The following ACADS variants were observed in gnomAD, a reference collection of about 807,000 sequenced individuals.
The protein encoded by ACADS is short-chain specific acyl-CoA dehydrogenase, mitochondrial.
In ACADS, 28 loss-of-function variants were observed where a neutral mutation model predicts 46.8. The observed-to-expected ratio is 0.60, with a 90% confidence interval of 0.44 to 0.82. The LOEUF (loss-of-function observed/expected upper bound fraction) is 0.82. ACADS is among the 40% of genes least tolerant of loss of function. ACADS has a pLI of 0.00. For missense variants in ACADS, 528 were observed against 578.0 expected (o/e 0.91, Z 0.89); for synonymous variants, 236 against 237.7 (o/e 0.99, Z 0.07).
At chr12:120,726,959 G>A (rs1883102647) in intron 1 of ACADS, 67 bp from the exon 2 acceptor site, 2 of 1,581,764 alleles carry the variant, frequency 1.3e-6, no homozygotes, top group Admixed American at 1.7e-5. Flanking sequence ...TGGTGAGTTA[G>A]TGGGTCACTA....
rs1883158147 is a variant in ACADS, at chr12:120,728,574, G to A, written c.210+1385G>A. Among the ~76,000 whole-genome samples the A allele has an allele frequency of 6.6e-6, 1 of 151,084 alleles. No individual in the cohort carries two copies. The stretch of plus-strand genomic sequence containing the variant: ...GGTTGGAGTGCAGTGGCGCGATCTC[G>A]GCTCACTGCAACCTCCGCCTTCTGA... On this transcript the variant is annotated intron_variant, in intron 2 of 9. Coordinates refer to ENST00000242592, the MANE Select transcript of ACADS (RefSeq NM_000017.4). This position sits in a 1 kb window ranked among gnomAD's most constrained non-coding sequence, Gnocchi z 4.0.
Position 120,725,857 on chromosome 12 carries a change from C to G in ACADS, c.-29C>G. On this transcript the variant is annotated 5_prime_UTR_variant, in exon 1 of 10. Transcript: ENST00000242592. Reference sequence around the variant, plus strand: ...GAACAGCGCGCTCGCAGCGGGAGGTCGCGAAGCCTGGGACTGTGTCTGTCG... The same window carrying G: ...GAACAGCGCGCTCGCAGCGGGAGGTGGCGAAGCCTGGGACTGTGTCTGTCG... 2 of 1,535,728 alleles carry G rather than the reference C, an allele frequency of 1.3e-6. No individual in the cohort carries two copies. The highest frequency in any genetic ancestry group is 2.5e-5 in the East Asian group (1 of 40,408).
intron 2 of ACADS, among the ~76,000 whole-genome samples, chr12:120,730,144 G>A (rs1220404026): frequency 2.6e-5 from 4 of 152,016 alleles, no homozygotes; most frequent in African/African-American, 4.8e-5. Flanking sequence ...CACCACACCC[G>A]GCTAATTTTT....
chr12:120,726,943 C>T, intron 1 of ACADS, 83 bp from the exon 2 acceptor site: 1 of 1,534,812 alleles, frequency 6.5e-7, no homozygotes, highest in Admixed American at 1.7e-5. Context: ...AGGGCAAAAT[C>T]CTCCCTGGTG....
Position 120,737,830 on chromosome 12 carries a change from T to A in ACADS, c.473-7T>A, listed in dbSNP as rs754901042. 1 of 1,613,820 alleles carries A rather than the reference T, an allele frequency of 6.2e-7. No homozygotes were observed. Reference sequence around the variant, plus strand: ...GCGTGCGCTGAGCCCTGGGTCTGTGTGGGCAGGGAACGGCAGTGATGCAGG... The same window carrying A: ...GCGTGCGCTGAGCCCTGGGTCTGTGAGGGCAGGGAACGGCAGTGATGCAGG... On this transcript the variant is annotated splice_region_variant and splice_polypyrimidine_tract_variant and intron_variant, in intron 4 of 9. Transcript: ENST00000242592.
chr12:120,730,128 G>A (rs911170134), intron 2 of ACADS, among the ~76,000 whole-genome samples: 3 of 152,076 alleles, frequency 2.0e-5, no homozygotes, highest in African/African-American at 7.2e-5. Context: ...AACTACAGGT[G>A]CGCACCACCA....
chr12:120,738,774 T>G, intron 7 of ACADS, 46 bp from the exon 8 acceptor site: 1 of 1,612,304 alleles, frequency 6.2e-7, no homozygotes, highest in Non-Finnish European at 8.5e-7. Context: ...TTCTGTCCCC[T>G]GGAGGGGCAG....
In ACADS at chr12:120,737,076, G is replaced by A. The variant is rs1883468810; in HGVS notation, c.301G>A (p.Ala101Thr). 8 of 1,602,608 alleles carry A rather than the reference G, an allele frequency of 5.0e-6. No homozygotes were observed. Among genetic ancestry groups the A allele is most frequent in the Admixed American group, 1.7e-5 (1 of 58,594 alleles). ...AGLDYLAYAI[A>T]MEEISRGCAS... is the part of the protein sequence containing the mutation. ...CCTCGATTACCTGGCCTACGCCATC[G>A]CCATGGAGGAGATCAGCCGTGGCTG... The change falls in exon 3 of 10, where the codon GCC becomes ACC. Residue 101 changes from alanine to threonine, a missense_variant. Ala to Thr is a moderately conservative substitution (Grantham distance 58). Transcript: ENST00000242592.
At chr12:120,730,457 G>A (rs1045114619) in intron 2 of ACADS, among the ~76,000 whole-genome samples, 3 of 152,116 alleles carry the variant, frequency 2.0e-5, no homozygotes, top group Admixed American at 6.6e-5. Flanking sequence ...GGGAGGCGGC[G>A]CTGTGTAGGG....
intron 2 of ACADS, 85 bp downstream of exon 2, chr12:120,727,274 G>C: frequency 6.4e-7 from 1 of 1,568,930 alleles, no homozygotes; most frequent in South Asian, 1.1e-5. Context: ...AGCGGCACTC[G>C]GACTCTGGTA....
chr12:120,737,610 G>A (rs1040538615), intron 4 of ACADS, 143 bp downstream of exon 4: 45 of 1,056,746 alleles, frequency 4.3e-5, no homozygotes, highest in Non-Finnish European at 5.5e-5. Context: ...TCTTGCCACC[G>A]CGGCGCTGGG....
At chr12:120,726,650 G>A (rs1883094191) in intron 1 of ACADS, among the ~76,000 whole-genome samples, 1 of 152,216 alleles carries the variant, frequency 6.6e-6, no homozygotes, top group Non-Finnish European at 1.5e-5. Context: ...CTTGCCTAAG[G>A]TCACAGAGCT....
intron 1 of ACADS, 95 bp from the exon 2 acceptor site, chr12:120,726,930 TG>T: frequency 7.0e-7 from 1 of 1,437,266 alleles, no homozygotes; most frequent in South Asian, 1.1e-5. Flanking sequence ...AGATGTCCCT[TG>T]GAGGGCAAAA....
chr12:120,728,519 A>T lies in ACADS; in HGVS notation c.210+1330A>T, dbSNP rs1016100271. Among the ~76,000 whole-genome samples, 1 of 150,640 alleles carries T rather than the reference A, an allele frequency of 6.6e-6. No homozygotes were observed. Among genetic ancestry groups the T allele is most frequent in the Non-Finnish European group, 1.5e-5 (1 of 67,762 alleles). On this transcript the variant is annotated intron_variant, in intron 2 of 9. Coordinates refer to ENST00000242592, the MANE Select transcript of ACADS (RefSeq NM_000017.4). This position sits in a 1 kb window ranked among gnomAD's most constrained non-coding sequence, Gnocchi z 4.0. ...TTTAATTTATTTTTTATTTTTAAAAATTTTTTGAGACAGTCTTGCTCTGTC... is the reference window on the plus strand; with the variant it reads ...TTTAATTTATTTTTTATTTTTAAAATTTTTTTGAGACAGTCTTGCTCTGTC...
At chr12:120,732,291 G>T (rs1208273588) in intron 2 of ACADS, among the ~76,000 whole-genome samples, 2 of 150,426 alleles carry the variant, frequency 1.3e-5, no homozygotes, top group Non-Finnish European at 3.0e-5. Context: ...CCCGGACGGG[G>T]CGGCTGGCCG....
At chr12:120,727,488 G>T (rs1420571676) in intron 2 of ACADS, among the ~76,000 whole-genome samples, 1 of 152,232 alleles carries the variant, frequency 6.6e-6, no homozygotes, top group African/African-American at 2.4e-5. Flanking sequence ...TTCTTGAGAT[G>T]GGTTATCTCA....
rs1883595799 is a variant in ACADS, at chr12:120,739,661, C to T, written c.*213C>T. The T allele has an allele frequency of 1.6e-6, 1 of 618,608 alleles. No individual in the cohort carries two copies. Among genetic ancestry groups the T allele is most frequent in the Non-Finnish European group, 2.8e-6 (1 of 357,198 alleles). 38.3% of individuals were successfully genotyped at this position (618,608 alleles called of 1,614,324 possible). ...CCTTTCCGCCTCCTCACCACTGTGCCTCAAGTTCCTCATCTAAGTGGCCCT... is the reference window on the plus strand; with the variant it reads ...CCTTTCCGCCTCCTCACCACTGTGCTTCAAGTTCCTCATCTAAGTGGCCCT... On this transcript the variant is annotated 3_prime_UTR_variant, in exon 10 of 10. Coordinates refer to ENST00000242592, the MANE Select transcript of ACADS (RefSeq NM_000017.4).
Position 120,737,004 on chromosome 12 carries a change from C to T in ACADS, c.229C>T (p.Leu77Phe), listed in dbSNP as rs1297273673. ...PAAQVKKMGG[L>F]GLLAMDVPEE... ...TGCCCAGGTGAAGAAGATGGGCGGG[C>T]TTGGGCTTCTGGCCATGGACGTGCC... Residue 77 changes from leucine to phenylalanine, a missense_variant, in exon 3 of 10, where the codon CTT becomes TTT. Coordinates refer to ENST00000242592, the MANE Select transcript of ACADS (RefSeq NM_000017.4). 3.7e-6 allele frequency: 6 copies of T among 1,609,896 alleles called. No individual in the cohort carries two copies. The highest frequency in any genetic ancestry group is 5.1e-6 in the Non-Finnish European group (6 of 1,178,652).
At chr12:120,731,944 A>G (rs1040779887) in intron 2 of ACADS, among the ~76,000 whole-genome samples, 15 of 152,216 alleles carry the variant, frequency 9.9e-5, no homozygotes, top group African/African-American at 3.6e-4. Context: ...CAGAGAGCAC[A>G]GGGTTGGGGG....
Sources: allele counts gnomAD v4.1 joint callset (sites outside exome capture counted in the v4.1 genomes callset), GRCh38; gene constraint gnomAD v4.1.1; non-coding constraint Gnocchi (gnomAD v3.1); transcripts MANE v1.5; gene names NCBI Gene and HGNC (gene_info 2026-07-23, HGNC 2026-07-21).